RARB: variants seen among roughly 807,000 people sequenced by gnomAD.
The protein encoded by RARB is retinoic acid receptor beta.
In RARB, 17 loss-of-function variants were observed where a neutral mutation model predicts 51.9. The ratio of observed to expected loss-of-function variants is 0.33; its 90% CI spans 0.22 to 0.49. RARB has a LOEUF of 0.49. Ranked by LOEUF, RARB falls within the 20% of genes least tolerant of loss-of-function variation. The pLI, the probability that RARB is intolerant of heterozygous loss-of-function variation, is 0.99. For missense variants in RARB, 369 were observed against 550.8 expected (o/e 0.67, Z 3.30); for synonymous variants, 215 against 195.4 (o/e 1.10, Z -0.84).
chr3:24,991,443 C>CAAAAAAAAA (rs371185277), intron 2 of RARB, among the ~76,000 whole-genome samples: 1 of 138,762 alleles, frequency 7.2e-6, no homozygotes, highest in Non-Finnish European at 1.6e-5. Context: ...AACTCTGTCT[C>CAAAAAAAAA]AAAAAAAAAA....
intron 5 of RARB, among the ~76,000 whole-genome samples, chr3:25,283,238 G>A (rs1703567900): frequency 6.6e-6 from 1 of 152,196 alleles, no homozygotes; most frequent in Non-Finnish European, 1.5e-5. Flanking sequence ...CTCTTAGAAT[G>A]ATGGCAATGA....
At chr3:24,993,682 T>A (rs1023582936) in intron 2 of RARB, among the ~76,000 whole-genome samples, 3 of 152,104 alleles carry the variant, frequency 2.0e-5, no homozygotes, top group Non-Finnish European at 4.4e-5. Context: ...ACCTTCTCAG[T>A]CTCTCAAATC....
At chr3:25,511,614 G>A (rs536702327) in intron 3 of RARB, among the ~76,000 whole-genome samples, 1 of 152,292 alleles carries the variant, frequency 6.6e-6, no homozygotes, top group East Asian at 1.9e-4. Flanking sequence ...GTACTTCAAA[G>A]GACTGAAGTT....
chr3:25,073,805 A>G (rs1172922084), intron 3 of RARB, among the ~76,000 whole-genome samples: 1 of 152,044 alleles, frequency 6.6e-6, no homozygotes. Flanking sequence ...TTCAATGTAT[A>G]AAGTAGAATT....
At chr3:24,936,896 G>A (rs1008777961) in intron 2 of RARB, among the ~76,000 whole-genome samples, 2 of 152,138 alleles carry the variant, frequency 1.3e-5, no homozygotes, top group African/African-American at 2.4e-5. Flanking sequence ...TAAATGCTCT[G>A]GAGTGTGTTT....
intron 5 of RARB, chr3:25,324,683 G>A: frequency 6.2e-6 from 1 of 160,156 alleles, no homozygotes. Context: ...TGGAACATCT[G>A]GAAGCCCCAG....
intron 5 of RARB, among the ~76,000 whole-genome samples, chr3:25,251,595 A>AT (rs1376067574): frequency 7.9e-5 from 12 of 152,220 alleles, no homozygotes; most frequent in Non-Finnish European, 1.3e-4. Context: ...TTTGGTTGGC[A>AT]TTTTCCTAAT....
chr3:25,516,528 A>G (rs1698169151), intron 3 of RARB, among the ~76,000 whole-genome samples: 1 of 152,214 alleles, frequency 6.6e-6, no homozygotes, highest in African/African-American at 2.4e-5. Flanking sequence ...GAAGTTAACA[A>G]AAAGTTTTGG....
chr3:25,267,391 C>T (rs560168756), intron 5 of RARB, among the ~76,000 whole-genome samples: 4 of 152,302 alleles, frequency 2.6e-5, no homozygotes, highest in East Asian at 3.9e-4. Context: ...CCACTCTGGC[C>T]TTCCGCAACC....
intron 2 of RARB, among the ~76,000 whole-genome samples, chr3:24,955,661 C>A (rs1695998561): frequency 6.6e-6 from 1 of 152,112 alleles, no homozygotes; most frequent in African/African-American, 2.4e-5. Flanking sequence ...AATGATTACC[C>A]TAATGTGCGC....
rs1575189952 is a variant in RARB, at chr3:25,164,136, G to C, written c.-279-9983G>C. 2.6e-5 allele frequency among the ~76,000 whole-genome samples: 4 copies of C among 152,122 alleles called. No individual in the cohort carries two copies. In the South Asian group the frequency reaches 8.3e-4, roughly 31 times the overall value. On this transcript the variant is annotated intron_variant, in intron 4 of 11. Transcript: ENST00000383772. ...AGCATGAGGATACAGTCTGGCCACT[G>C]GGGAGAAGGTAGCTGGAAAGAACTA... is the stretch of plus-strand genomic sequence containing the variant.
chr3:24,947,364 A>C (rs1462369667), intron 2 of RARB, among the ~76,000 whole-genome samples: 1 of 152,234 alleles, frequency 6.6e-6, no homozygotes, highest in African/African-American at 2.4e-5. Flanking sequence ...TTTATAGCAA[A>C]ATAGGCTGAG....
chr3:25,245,796 C>A (rs1702545218), intron 5 of RARB, among the ~76,000 whole-genome samples: 1 of 152,066 alleles, frequency 6.6e-6, no homozygotes, highest in Non-Finnish European at 1.5e-5. Context: ...GGTTGCTCTT[C>A]TCGAGGAGAT....
intron 5 of RARB, among the ~76,000 whole-genome samples, chr3:25,306,907 G>T (rs1306217688): frequency 6.6e-6 from 1 of 152,004 alleles, no homozygotes; most frequent in Non-Finnish European, 1.5e-5. Context: ...ATCCTTGGTG[G>T]GAGTCATGGG....
chr3:25,294,202 T>C (rs1042993779), intron 5 of RARB, among the ~76,000 whole-genome samples: 3 of 152,140 alleles, frequency 2.0e-5, no homozygotes, highest in Admixed American at 1.3e-4. Flanking sequence ...ACACCATATG[T>C]TGATTATGTT....
At chr3:25,071,654 TG>T in intron 3 of RARB, among the ~76,000 whole-genome samples, 2 of 152,310 alleles carry the variant, frequency 1.3e-5, no homozygotes, top group South Asian at 4.1e-4. Context: ...AGAATAGTAA[TG>T]AATTATGGAA....
At chr3:25,440,093 ATGTATTTGAC>A (rs72164461) in intron 1 of RARB, among the ~76,000 whole-genome samples, 38,244 of 152,010 alleles carry the variant, frequency 0.25, 5,539 homozygotes, top group Middle Eastern at 0.39. Flanking sequence ...AAATAAGACA[ATGTATTTGAC>A]ACATGATGCT....
chr3:25,080,637 G>T (rs535027911), intron 3 of RARB, among the ~76,000 whole-genome samples: 4 of 152,156 alleles, frequency 2.6e-5, no homozygotes, highest in South Asian at 2.1e-4. Flanking sequence ...GATCATTGAG[G>T]TTTTTATTTC....
intron 1 of RARB, among the ~76,000 whole-genome samples, chr3:25,460,268 T>C (rs1695108842): frequency 6.6e-6 from 1 of 152,140 alleles, no homozygotes; most frequent in African/African-American, 2.4e-5. Context: ...TGCCGATGCA[T>C]GTTGGCCCAA....
Sources: allele counts gnomAD v4.1 joint callset (sites outside exome capture counted in the v4.1 genomes callset), GRCh38; gene constraint gnomAD v4.1.1; transcripts MANE v1.5; gene names NCBI Gene and HGNC (gene_info 2026-07-23, HGNC 2026-07-21).